The following SLC7A14 variants were observed in gnomAD, a reference collection of about 807,000 sequenced individuals.
SLC7A14 encodes solute carrier family 7 member 14.
In SLC7A14, 37 loss-of-function variants were observed where a neutral mutation model predicts 60.2. The observed-to-expected ratio is 0.61, with a 90% CI of 0.47 to 0.81. The LOEUF is 0.81. SLC7A14 is among the 30% of genes least tolerant of loss of function. The pLI is 0.00. For synonymous variants in SLC7A14, 399 were observed against 395.8 expected, an observed-to-expected ratio of 1.01 and a Z score of -0.10; for missense variants, 886 against 982.7, an observed-to-expected ratio of 0.90 and a Z score of 1.32.
intron 7 of SLC7A14, among the ~76,000 whole-genome samples, chr3:170,474,198 T>C (rs1286041213): frequency 6.6e-6 from 1 of 152,192 alleles, no homozygotes; most frequent in African/African-American, 2.4e-5. Flanking sequence ...GGCGTGAATC[T>C]CACAAACATA....
chr3:170,539,543 C>T (rs375927300), intron 1 of SLC7A14, among the ~76,000 whole-genome samples: 13 of 152,040 alleles, frequency 8.6e-5, no homozygotes, highest in African/African-American at 1.4e-4. Flanking sequence ...TATTTAGTTT[C>T]GAGTAATTTA....
chr3:170,468,802 A>C (rs1355904858), intron 7 of SLC7A14, among the ~76,000 whole-genome samples: 2 of 152,356 alleles, frequency 1.3e-5, no homozygotes, highest in Admixed American at 1.3e-4. Context: ...GATGAGAGCT[A>C]TAGCAACCCT....
chr3:170,499,106 G>T (rs1166240993), intron 3 of SLC7A14, among the ~76,000 whole-genome samples: 2 of 151,506 alleles, frequency 1.3e-5, no homozygotes, highest in African/African-American at 4.9e-5. Context: ...GTGTGGTGGC[G>T]GGCGCCTGTA....
At chr3:170,521,076 G>A (rs1713327245) in intron 2 of SLC7A14, among the ~76,000 whole-genome samples, 1 of 152,184 alleles carries the variant, frequency 6.6e-6, no homozygotes, top group Non-Finnish European at 1.5e-5. Flanking sequence ...GTCTGGTTGT[G>A]GCCTACTGAG....
rs1739585441 is a variant in SLC7A14 at position 170,460,843 on chromosome 3, T to G, written c.*6212A>C. On this transcript the variant is annotated 3_prime_UTR_variant, in exon 8 of 8. Transcript: ENST00000231706. ...AGAACTACCTGTTGTCCGAAGACCT[T>G]AAGCCCAAAGCTATCTGTGAAAGTC... The G allele has an allele frequency of 6.6e-6, 1 of 152,224 alleles. No individual in the cohort carries two copies. The highest frequency in any genetic ancestry group is 1.5e-5 in the Non-Finnish European group (1 of 68,048). The allele number at this position is 152,224 out of a possible 1,614,324, so 9.4% of individuals were successfully genotyped here. A position where few individuals can be genotyped will look rare whatever the true frequency, so the allele number is the denominator to read the frequency against.
chr3:170,522,150 G>C (rs1713358536), intron 2 of SLC7A14, among the ~76,000 whole-genome samples: 1 of 152,174 alleles, frequency 6.6e-6, no homozygotes, highest in South Asian at 2.1e-4. Context: ...TAACAATTCT[G>C]AGTGCTGGCA....
intron 1 of SLC7A14, among the ~76,000 whole-genome samples, chr3:170,566,826 G>A (rs1028170739): frequency 3.3e-5 from 5 of 150,318 alleles, no homozygotes; most frequent in African/African-American, 9.8e-5. Flanking sequence ...AAAAAAAAGA[G>A]AAAAAGAAAA....
intron 2 of SLC7A14, among the ~76,000 whole-genome samples, chr3:170,520,487 T>C (rs898470306): frequency 3.3e-5 from 5 of 152,244 alleles, no homozygotes; most frequent in Non-Finnish European, 7.3e-5. Context: ...AGGCAATTTC[T>C]TGCCTATTTT....
intron 1 of SLC7A14, among the ~76,000 whole-genome samples, chr3:170,554,559 C>T (rs1577558765): frequency 2.6e-5 from 4 of 152,296 alleles, no homozygotes; most frequent in Admixed American, 2.0e-4. Flanking sequence ...CTTTCTCTCT[C>T]CCCACAGCAT....
At chr3:170,564,147 G>A (rs946595505) in intron 1 of SLC7A14, among the ~76,000 whole-genome samples, 1 of 152,156 alleles carries the variant, frequency 6.6e-6, no homozygotes, top group Non-Finnish European at 1.5e-5. Flanking sequence ...ATGGAGTGGC[G>A]GGGTAATAAA....
At chr3:170,470,842 A>G (rs991886065) in intron 7 of SLC7A14, among the ~76,000 whole-genome samples, 1 of 152,174 alleles carries the variant, frequency 6.6e-6, no homozygotes, top group Non-Finnish European at 1.5e-5. Context: ...CCTGTGTGGA[A>G]GCAGGGTGTT....
intron 2 of SLC7A14, among the ~76,000 whole-genome samples, chr3:170,509,659 A>T (rs1174043527): frequency 1.3e-5 from 2 of 151,678 alleles, no homozygotes; most frequent in African/African-American, 4.9e-5. Flanking sequence ...AAAATACAAA[A>T]ATTAGCCTGG....
intron 2 of SLC7A14, among the ~76,000 whole-genome samples, chr3:170,521,148 CT>C (rs1225948677): frequency 6.6e-6 from 1 of 152,212 alleles, no homozygotes; most frequent in African/African-American, 2.4e-5. Context: ...GATAAGTTTT[CT>C]TCCACCTGTG....
chr3:170,542,337 T>A lies in SLC7A14; in HGVS notation c.-152-15249A>T, dbSNP rs1369470112. Among the ~76,000 whole-genome samples the A allele has an allele frequency of 2.0e-5, 3 of 152,210 alleles. No homozygotes were observed. In the East Asian group the frequency reaches 5.8e-4, roughly 29 times the overall value. On this transcript the variant is annotated intron_variant, in intron 1 of 7. Coordinates refer to ENST00000231706, the MANE Select transcript of SLC7A14 (RefSeq NM_020949.3). ...AACTAATTGTGTTAATTTCATGGACTGTCCTAAGAATTCTAAGTATCCTCA... is the reference window on the plus strand; with the variant it reads ...AACTAATTGTGTTAATTTCATGGACAGTCCTAAGAATTCTAAGTATCCTCA...
chr3:170,546,488 T>C (rs1488241766), intron 1 of SLC7A14, among the ~76,000 whole-genome samples: 1 of 152,204 alleles, frequency 6.6e-6, no homozygotes, highest in Non-Finnish European at 1.5e-5. Flanking sequence ...TGTTTCCATT[T>C]CCACTGACTT....
chr3:170,565,006 A>G (rs1714754333), intron 1 of SLC7A14, among the ~76,000 whole-genome samples: 2 of 152,122 alleles, frequency 1.3e-5, no homozygotes, highest in South Asian at 4.1e-4. Flanking sequence ...GGTTCTTGCT[A>G]CAGAAGCCTC....
intron 2 of SLC7A14, among the ~76,000 whole-genome samples, chr3:170,517,693 G>A (rs971892759): frequency 1.3e-5 from 2 of 152,220 alleles, no homozygotes; most frequent in African/African-American, 4.8e-5. Context: ...CCAGGAGGAG[G>A]TTGGGAACCT....
At chr3:170,481,277 T>A in intron 6 of SLC7A14, 111 bp from the exon 7 acceptor site, 1 of 1,166,092 alleles carries the variant, frequency 8.6e-7, no homozygotes, top group Non-Finnish European at 1.2e-6. Flanking sequence ...TAACTCCTCC[T>A]GGTCCTGCTC....
At chr3:170,499,296 CTG>C (rs10555697) in intron 3 of SLC7A14, among the ~76,000 whole-genome samples, 67,664 of 139,160 alleles carry the variant, frequency 0.49, 19,530 homozygotes, top group African/African-American at 0.84. Flanking sequence ...AAAAGGAACT[CTG>C]TGTGTGTGTG....
Sources: allele counts gnomAD v4.1 joint callset (sites outside exome capture counted in the v4.1 genomes callset), GRCh38; gene constraint gnomAD v4.1.1; transcripts MANE v1.5; gene names NCBI Gene and HGNC (gene_info 2026-07-23, HGNC 2026-07-21).